Variants in SYNDIG1 observed in about 807,000 individuals in gnomAD.
SYNDIG1 encodes synapse differentiation inducing 1.
A neutral mutation model predicts 19.4 loss-of-function variants in SYNDIG1; 9 were observed. That is an observed-to-expected ratio of 0.46 (90% CI 0.28 to 0.81). The LOEUF (loss-of-function observed/expected upper bound fraction) is 0.81. Ranked by LOEUF, SYNDIG1 falls within the 30% of genes least tolerant of loss-of-function variation. SYNDIG1 has a pLI of 0.12. For missense variants in SYNDIG1, 311 were observed against 343.3 expected, an observed-to-expected ratio of 0.91 and a Z score of 0.74; for synonymous variants, 141 against 145.9, an observed-to-expected ratio of 0.97 and a Z score of 0.24.
At chr20:24,643,735 T>C (rs553589474) in intron 3 of SYNDIG1, among the ~76,000 whole-genome samples, 28 of 152,360 alleles carry the variant, frequency 1.8e-4, no homozygotes, top group African/African-American at 6.5e-4. Context: ...CTTTGTGTTG[T>C]AAAGTTCTGT....
intron 3 of SYNDIG1, among the ~76,000 whole-genome samples, chr20:24,647,491 GA>G (rs948308618): frequency 2.6e-5 from 4 of 152,030 alleles, no homozygotes; most frequent in African/African-American, 9.7e-5. Context: ...TTGGGAAGGG[GA>G]ATGGTGGATA....
chr20:24,556,158 G>A (rs1568637986), intron 2 of SYNDIG1, among the ~76,000 whole-genome samples: 1 of 151,936 alleles, frequency 6.6e-6, no homozygotes, highest in Non-Finnish European at 1.5e-5. Context: ...CATTTGCTTG[G>A]TAGATCTTCC....
intron 2 of SYNDIG1, among the ~76,000 whole-genome samples, chr20:24,560,769 T>G (rs1158355609): frequency 1.3e-5 from 2 of 151,246 alleles, no homozygotes; most frequent in African/African-American, 4.9e-5. Flanking sequence ...GTATTTTTTG[T>G]TGTGGTTGAA....
At chr20:24,648,565 G>A (rs1271205411) in intron 3 of SYNDIG1, among the ~76,000 whole-genome samples, 1 of 152,256 alleles carries the variant, frequency 6.6e-6, no homozygotes, top group African/African-American at 2.4e-5. Flanking sequence ...CACACCCCTG[G>A]TTTCCAGTGT....
rs560696949 is a variant in SYNDIG1, at chr20:24,547,765, A to G, written c.480+4188A>G. ...GGGAAGCCACTTCTCCTTTCACACA[A>G]ATAAACTCAGAGAGACTTCAGGGAC... On this transcript the variant is annotated intron_variant, in intron 2 of 3. Coordinates refer to ENST00000376862, the MANE Select transcript of SYNDIG1 (RefSeq NM_024893.3). 3.9e-4 allele frequency among the ~76,000 whole-genome samples: 59 copies of G among 152,336 alleles called. No individual in the cohort carries two copies. In the South Asian group the frequency reaches 9.3e-3, roughly 24 times the overall value.
chr20:24,603,134 G>A (rs980474707), intron 3 of SYNDIG1, among the ~76,000 whole-genome samples: 3 of 152,126 alleles, frequency 2.0e-5, no homozygotes, highest in Non-Finnish European at 4.4e-5. Context: ...TTAAATGCTG[G>A]TTGTGTTTGT....
intron 3 of SYNDIG1, among the ~76,000 whole-genome samples, chr20:24,641,086 T>C (rs978826346): frequency 6.6e-6 from 1 of 152,248 alleles, no homozygotes; most frequent in African/African-American, 2.4e-5. Flanking sequence ...TTGATGACAG[T>C]AGTTTCTATT....
At chr20:24,665,305 C>T in intron 3 of SYNDIG1, 41 bp from the exon 4 acceptor site, 1 of 1,569,946 alleles carries the variant, frequency 6.4e-7, no homozygotes, top group South Asian at 1.2e-5. Flanking sequence ...CTTGTTCCGA[C>T]TTGCTTACAA....
chr20:24,614,197 TCTCA>T (rs1161158096), intron 3 of SYNDIG1, among the ~76,000 whole-genome samples: 1 of 152,094 alleles, frequency 6.6e-6, no homozygotes, highest in Non-Finnish European at 1.5e-5. Context: ...AGAGATGCGG[TCTCA>T]CTATGTTGCT....
intron 1 of SYNDIG1, among the ~76,000 whole-genome samples, chr20:24,503,567 C>T (rs1425392195): frequency 6.6e-6 from 1 of 151,948 alleles, no homozygotes; most frequent in African/African-American, 2.4e-5. Flanking sequence ...GAGCGTCACC[C>T]CCAAAATCCC....
At chr20:24,636,075 G>T (rs1000100667) in intron 3 of SYNDIG1, among the ~76,000 whole-genome samples, 3 of 152,098 alleles carry the variant, frequency 2.0e-5, no homozygotes, top group African/African-American at 7.2e-5. Context: ...TCTGGACTTT[G>T]GGGGGGCTCT....
At chr20:24,594,148 G>C (rs2058557660) in intron 3 of SYNDIG1, among the ~76,000 whole-genome samples, 1 of 151,914 alleles carries the variant, frequency 6.6e-6, no homozygotes, top group Non-Finnish European at 1.5e-5. Context: ...TATCTTCCAG[G>C]GTTTTTATAA....
chr20:24,474,102 AG>A (rs1051683957), intron 1 of SYNDIG1, among the ~76,000 whole-genome samples: 4 of 152,258 alleles, frequency 2.6e-5, no homozygotes, highest in Non-Finnish European at 5.9e-5. Context: ...TGGATAGGAA[AG>A]GCATGTGAGC....
At chr20:24,611,177 G>A (rs1037572496) in intron 3 of SYNDIG1, among the ~76,000 whole-genome samples, 3 of 152,110 alleles carry the variant, frequency 2.0e-5, no homozygotes, top group African/African-American at 4.8e-5. Context: ...TCTCCAGGTT[G>A]TGAATCCCAA....
At chr20:24,503,956 G>GTTTT (rs777270289) in intron 1 of SYNDIG1, among the ~76,000 whole-genome samples, 2,714 of 125,210 alleles carry the variant, frequency 0.022, 125 homozygotes, top group African/African-American at 0.086. Flanking sequence ...GGGAGAGCAG[G>GTTTT]TTTTTTTTTT....
chr20:24,517,697 C>T (rs1180209980), intron 1 of SYNDIG1, among the ~76,000 whole-genome samples: 1 of 141,048 alleles, frequency 7.1e-6, no homozygotes, highest in East Asian at 2.0e-4. Flanking sequence ...TATATATACA[C>T]ATATATATGT....
chr20:24,585,624 T>A (rs1011977826), intron 3 of SYNDIG1, among the ~76,000 whole-genome samples: 1 of 152,222 alleles, frequency 6.6e-6, no homozygotes, highest in African/African-American at 2.4e-5. Context: ...GCAACCTACA[T>A]TTTGAAATAT....
chr20:24,625,209 A>T (rs1351443726), intron 3 of SYNDIG1, among the ~76,000 whole-genome samples: 1 of 152,180 alleles, frequency 6.6e-6, no homozygotes, highest in African/African-American at 2.4e-5. Flanking sequence ...TATAAACGGG[A>T]AAAATGTAGA....
intron 1 of SYNDIG1, among the ~76,000 whole-genome samples, chr20:24,479,163 A>C (rs567876684): frequency 6.6e-6 from 1 of 152,120 alleles, no homozygotes; most frequent in Non-Finnish European, 1.5e-5. Context: ...CAAGGATGCA[A>C]ATTGCTTCTT....
Sources: allele counts gnomAD v4.1 joint callset (sites outside exome capture counted in the v4.1 genomes callset), GRCh38; gene constraint gnomAD v4.1.1; transcripts MANE v1.5; gene names NCBI Gene and HGNC (gene_info 2026-07-23, HGNC 2026-07-21).